CNOT1: variants seen among roughly 807,000 people sequenced by gnomAD.
CNOT1 encodes the protein CCR4-NOT transcription complex subunit 1, also known as CCR4-associated factor 1.
Under a neutral mutation model 273.8 loss-of-function variants are expected in CNOT1, and 15 were observed. The ratio of observed to expected loss-of-function variants is 0.05; its 90% confidence interval spans 0.04 to 0.08. The LOEUF (loss-of-function observed/expected upper bound fraction) is 0.08. Among genes scored for constraint, CNOT1 ranks in the 10% least tolerant of loss-of-function variants. CNOT1 has a pLI of 1.00. For missense variants in CNOT1, 1,644 were observed against 2,912.2 expected (o/e 0.56, Z 10.02); for synonymous variants, 1,022 against 1,005.5 (o/e 1.02, Z -0.31).
intron 16 of CNOT1, among the ~76,000 whole-genome samples, chr16:58,572,395 G>A (rs752795334): frequency 6.6e-6 from 1 of 152,142 alleles, no homozygotes; most frequent in Non-Finnish European, 1.5e-5. Flanking sequence ...AGCACTTCTG[G>A]AGGCCAAAGT....
At chr16:58,617,523 T>C (rs930136654) in intron 1 of CNOT1, among the ~76,000 whole-genome samples, 3 of 152,144 alleles carry the variant, frequency 2.0e-5, no homozygotes, top group Non-Finnish European at 4.4e-5. Flanking sequence ...TTGGTGCATA[T>C]TGGTAAGTAC....
At position 58,547,772 on chromosome 16, in the gene CNOT1, A is replaced by G. The variant is rs529952816; in HGVS notation, c.3523-90T>C. 2.8e-5 allele frequency: 35 copies of G among 1,252,004 alleles called. No homozygotes were observed. The East Asian group carries it at 6.1e-4, about 22-fold the overall frequency. 77.6% of individuals were successfully genotyped at this position (1,252,004 alleles called of 1,614,324 possible). A position where few individuals can be genotyped will look rare whatever the true frequency, so the allele number is the denominator to read the frequency against. Reference sequence around the variant, plus strand: ...TTTGAGAATTCCATTATCCTATCCTAAAGACAAGTCATCATTTCTAAGAAC... The same window carrying G: ...TTTGAGAATTCCATTATCCTATCCTGAAGACAAGTCATCATTTCTAAGAAC... On this transcript the variant is annotated intron_variant, in intron 25 of 48. Coordinates refer to ENST00000317147, the MANE Select transcript of CNOT1 (RefSeq NM_016284.5). The surrounding 1 kb of genome is among the most constrained non-coding windows in gnomAD (Gnocchi z 4.0).
intron 25 of CNOT1, among the ~76,000 whole-genome samples, chr16:58,549,045 C>T (rs12596546): frequency 0.75 from 114,594 of 152,044 alleles, 43,594 homozygotes; most frequent in Middle Eastern, 0.86. Flanking sequence ...TCCCAGAACT[C>T]TGGGAGGCCG....
chr16:58,591,961 G>T (rs948699805), intron 2 of CNOT1, among the ~76,000 whole-genome samples: 1 of 150,936 alleles, frequency 6.6e-6, no homozygotes, highest in Non-Finnish European at 1.5e-5. Flanking sequence ...CTAATATGTG[G>T]CTCCTAGATC....
chr16:58,537,760 C>A, intron 38 of CNOT1, 131 bp downstream of exon 38: 1 of 1,243,492 alleles, frequency 8.0e-7, no homozygotes, highest in Non-Finnish European at 1.1e-6. Flanking sequence ...TTAGCCCTTA[C>A]CAAAGCTACC....
At chr16:58,620,507 G>A (rs1334030199) in intron 1 of CNOT1, among the ~76,000 whole-genome samples, 1 of 152,012 alleles carries the variant, frequency 6.6e-6, no homozygotes, top group Non-Finnish European at 1.5e-5. Context: ...CGGGCGTGGT[G>A]TGGCAGGCAC....
At chr16:58,615,951 G>A (rs1295829538) in intron 1 of CNOT1, among the ~76,000 whole-genome samples, 1 of 117,428 alleles carries the variant, frequency 8.5e-6, no homozygotes, top group East Asian at 2.0e-4. Flanking sequence ...GCAAGGTGCA[G>A]TGGCAAATGC....
rs113769013 is a variant in CNOT1 at position 58,537,684 on chromosome 16, G to A, written c.5414+207C>T. Among the ~76,000 whole-genome samples, 5 of 152,320 alleles carry A rather than the reference G, an allele frequency of 3.3e-5. 2 individuals are homozygous for A. Among genetic ancestry groups the A allele is most frequent in the Middle Eastern group, 3.4e-3 (1 of 294 alleles). On this transcript the variant is annotated intron_variant, in intron 38 of 48. Transcript: ENST00000317147. ...GGACTCTGACACTAAGTCTGGTACC[G>A]TATGTACTGCTCTGTGCCAAGAAGA...
intron 1 of CNOT1, among the ~76,000 whole-genome samples, chr16:58,606,378 G>A (rs2042674668): frequency 2.7e-5 from 3 of 109,502 alleles, no homozygotes; most frequent in African/African-American, 1.1e-4. Flanking sequence ...AATACAGTGA[G>A]ACCCCGTCCC....
intron 2 of CNOT1, among the ~76,000 whole-genome samples, chr16:58,597,339 G>A (rs531104758): frequency 6.6e-6 from 1 of 151,896 alleles, no homozygotes; most frequent in Non-Finnish European, 1.5e-5. Flanking sequence ...GCTGGGTGTG[G>A]TGGTGGAAGC....
At chr16:58,527,637 A>G (rs2151897442) in intron 44 of CNOT1, among the ~76,000 whole-genome samples, 1 of 152,354 alleles carries the variant, frequency 6.6e-6, no homozygotes, top group South Asian at 2.1e-4. Flanking sequence ...GCATTACACT[A>G]CATTAGGTAT....
chr16:58,551,439 A>G lies in CNOT1; in HGVS notation c.3201+150T>C, dbSNP rs2040445740. The G allele has an allele frequency of 4.2e-6, 5 of 1,184,430 alleles. No individual in the cohort carries two copies. In the South Asian group the frequency reaches 4.6e-5, roughly 11 times the overall value. 73.4% of individuals were successfully genotyped at this position (1,184,430 alleles called of 1,614,324 possible). ...ATTAATATGTTTGCCTCTGGGAAATATAAGGATGGGAGATACAAAGGAAGA... is the reference window on the plus strand; with the variant it reads ...ATTAATATGTTTGCCTCTGGGAAATGTAAGGATGGGAGATACAAAGGAAGA... On this transcript the variant is annotated intron_variant, in intron 23 of 48. Transcript: ENST00000317147.
intron 41 of CNOT1, 62 bp from the exon 42 acceptor site, chr16:58,532,137 G>C (rs2039793746): frequency 1.2e-6 from 2 of 1,607,824 alleles, no homozygotes; most frequent in African/African-American, 2.7e-5. Context: ...AACAGCACAT[G>C]AATGTAGGCT....
At chr16:58,564,640 G>C (rs75284434) in intron 16 of CNOT1, among the ~76,000 whole-genome samples, 3,231 of 152,218 alleles carry the variant, frequency 0.021, 59 homozygotes, top group Non-Finnish European at 0.034. Flanking sequence ...TTACTATTTA[G>C]GGATAAATTC....
At chr16:58,525,725 T>C (rs2241569) in intron 45 of CNOT1, among the ~76,000 whole-genome samples, 49,349 of 152,072 alleles carry the variant, frequency 0.32, 9,489 homozygotes, top group East Asian at 0.57. Flanking sequence ...TAAATCAGCA[T>C]CCAGGTATTC....
chr16:58,527,177 C>T (rs1479087095), intron 44 of CNOT1, among the ~76,000 whole-genome samples: 4 of 151,914 alleles, frequency 2.6e-5, no homozygotes, highest in Non-Finnish European at 4.4e-5. Flanking sequence ...AACCTCAAAT[C>T]GAAAATATGG....
intron 1 of CNOT1, among the ~76,000 whole-genome samples, chr16:58,624,069 T>C (rs973768382): frequency 2.0e-5 from 3 of 150,544 alleles, no homozygotes; most frequent in African/African-American, 7.3e-5. Flanking sequence ...AAGAAGGGGG[T>C]ATTAGGAACT....
chr16:58,586,500 T>C, intron 7 of CNOT1, 45 bp downstream of exon 7: 1 of 1,569,436 alleles, frequency 6.4e-7, no homozygotes, highest in Admixed American at 1.7e-5. Context: ...GTGTCTGTGG[T>C]CATCCAAGAA....
At chr16:58,590,022 C>T (rs1030585359) in intron 2 of CNOT1, among the ~76,000 whole-genome samples, 1 of 152,200 alleles carries the variant, frequency 6.6e-6, no homozygotes. Context: ...TTTACCACTA[C>T]CTGCTAATTT....
Sources: gnomAD v4.1 joint callset for allele counts (sites outside exome capture counted in the v4.1 genomes callset) on GRCh38, gnomAD v4.1.1 for gene constraint, Gnocchi (gnomAD v3.1) non-coding constraint, MANE v1.5 for transcripts, NCBI Gene and HGNC (gene_info 2026-07-23, HGNC 2026-07-21) for gene names.